The following ETV1 variants were observed in gnomAD, a reference collection of about 807,000 sequenced individuals.
The protein encoded by ETV1 is ETS translocation variant 1.
Under a neutral mutation model 62.3 loss-of-function variants are expected in ETV1, and 27 were observed. The ratio of observed to expected loss-of-function variants is 0.43; its 90% CI spans 0.32 to 0.60. The LOEUF is 0.60. Ranked by LOEUF, ETV1 falls within the 20% of genes least tolerant of loss-of-function variation. The probability of loss-of-function intolerance (pLI) is 0.06; values close to 1 mark genes in which losing one functional copy is unlikely to be tolerated. For missense variants in ETV1, 605 were observed against 605.8 expected (o/e 1.00, Z 0.01); for synonymous variants, 222 against 199.6 (o/e 1.11, Z -0.94).
In ETV1 at chr7:13,963,531, C is replaced by CA. The variant is rs11303542; in HGVS notation, c.235+13895dup. Among the ~76,000 whole-genome samples, 403 of 104,900 alleles carry CA rather than the reference C, an allele frequency of 3.8e-3. 2 individuals are homozygous for CA. The highest frequency in any genetic ancestry group is 0.014 in the East Asian group (53 of 3,902). The allele number at this position is 104,900 out of a possible 152,430, so 68.8% of individuals were successfully genotyped here. A position where few individuals can be genotyped will look rare whatever the true frequency, so the allele number is the denominator to read the frequency against. ...GAAAACATTTTAATACCAATCTTGG[C>CA]AAAAAAAAAAAAACTTCATGCACAC... is the stretch of plus-strand genomic sequence containing the variant. On this transcript the variant is annotated intron_variant, in intron 6 of 13. Coordinates refer to ENST00000430479, the MANE Select transcript of ETV1 (RefSeq NM_004956.5).
Position 13,939,089 on chromosome 7 carries a change from C to G in ETV1, c.365+28G>C, listed in dbSNP as rs1378525689. 48 of 1,601,564 alleles carry G rather than the reference C, an allele frequency of 3.0e-5. No individual in the cohort carries two copies. In the Admixed American group the frequency reaches 7.7e-4, roughly 26 times the overall value. On this transcript the variant is annotated intron_variant, in intron 7 of 13. Transcript: ENST00000430479. ...TTTTTGATTCAATAAGAACCACTAT[C>G]CTACATACATACACCTGGTGGCTTT...
chr7:13,982,757 T>C lies in ETV1; in HGVS notation c.181+3881A>G, dbSNP rs1030791531. On this transcript the variant is annotated intron_variant, in intron 5 of 13. Coordinates refer to ENST00000430479, the MANE Select transcript of ETV1 (RefSeq NM_004956.5). ...ATAATGTCGTTTTTAAAGCCTTTAA[T>C]CCTTATTGCACCAAGTGGGGGAAAA... 3.9e-5 allele frequency among the ~76,000 whole-genome samples: 6 copies of C among 152,104 alleles called. No homozygotes were observed. In the Middle Eastern group the frequency reaches 0.01, roughly 259 times the overall value.
chr7:13,951,465 G>C (rs1218314746), intron 6 of ETV1, among the ~76,000 whole-genome samples: 1 of 152,120 alleles, frequency 6.6e-6, no homozygotes, highest in African/African-American at 2.4e-5. Flanking sequence ...TAGAGTTTCC[G>C]ATAGGACTAA....
At chr7:13,936,687 T>C (rs1453225898) in intron 7 of ETV1, among the ~76,000 whole-genome samples, 1 of 152,212 alleles carries the variant, frequency 6.6e-6, no homozygotes, top group African/African-American at 2.4e-5. Flanking sequence ...TAAAATATTT[T>C]ACTAAAACTA....
At chr7:13,969,813 C>G (rs1270891506) in intron 6 of ETV1, among the ~76,000 whole-genome samples, 1 of 152,126 alleles carries the variant, frequency 6.6e-6, no homozygotes, top group African/African-American at 2.4e-5. Context: ...ACTAATAAAA[C>G]AAGAAGTTGC....
At chr7:13,974,032 G>A (rs1781162025) in intron 6 of ETV1, among the ~76,000 whole-genome samples, 1 of 152,132 alleles carries the variant, frequency 6.6e-6, no homozygotes, top group African/African-American at 2.4e-5. Flanking sequence ...CCCTCAAGAA[G>A]TTCACAATCT....
At chr7:13,954,852 A>T (rs2128475724) in intron 6 of ETV1, among the ~76,000 whole-genome samples, 1 of 152,304 alleles carries the variant, frequency 6.6e-6, no homozygotes, top group African/African-American at 2.4e-5. Flanking sequence ...AAAGCTGAAA[A>T]TATGTTCTGA....
At chr7:13,946,252 C>G (rs1479830948) in intron 6 of ETV1, among the ~76,000 whole-genome samples, 3 of 152,150 alleles carry the variant, frequency 2.0e-5, no homozygotes, top group African/African-American at 7.2e-5. Context: ...CTTTTATGAT[C>G]CACAACTCCT....
In ETV1 at chr7:13,938,886, C is replaced by T. The variant is rs1407909679; in HGVS notation, c.365+231G>A. ...TTTTCAAACCCAAGATGCATCACTA[C>T]AGTAGAAAAGCAACTAATGATCTGG... On this transcript the variant is annotated intron_variant, in intron 7 of 13. Transcript: ENST00000430479. Among the ~76,000 whole-genome samples the T allele has an allele frequency of 2.0e-5, 3 of 152,154 alleles. No individual in the cohort carries two copies. The East Asian group carries it at 5.8e-4, about 29-fold the overall frequency.
intron 6 of ETV1, among the ~76,000 whole-genome samples, chr7:13,952,540 T>C (rs1209406609): frequency 6.6e-6 from 1 of 152,116 alleles, no homozygotes; most frequent in Non-Finnish European, 1.5e-5. Context: ...GTGTAAGTAC[T>C]ATATTTAAGA....
chr7:13,967,694 A>T lies in ETV1; in HGVS notation c.235+9733T>A, dbSNP rs146890940. On this transcript the variant is annotated intron_variant, in intron 6 of 13. Transcript: ENST00000430479. ...CTTAAATACATGTTTATTATGATTTAAAAAAAGTGGAAAAATGATACCAAT... is the reference window on the plus strand; with the variant it reads ...CTTAAATACATGTTTATTATGATTTTAAAAAAGTGGAAAAATGATACCAAT... 7.0e-3 allele frequency among the ~76,000 whole-genome samples: 1,062 copies of T among 152,246 alleles called. 11 individuals are homozygous for T. Among genetic ancestry groups the T allele is most frequent in the Non-Finnish European group, 8.9e-3 (608 of 67,962 alleles).
At chr7:13,970,270 ACACACACACACACACACACAC>A (rs1780753984) in intron 6 of ETV1, among the ~76,000 whole-genome samples, 1 of 12,862 alleles carries the variant, frequency 7.8e-5, no homozygotes, top group African/African-American at 2.8e-4. Flanking sequence ...CAAAACACAC[ACACACACACACACACACACAC>A]ACACACACAC....
At chr7:13,981,302 G>A (rs1781961641) in intron 5 of ETV1, among the ~76,000 whole-genome samples, 1 of 152,040 alleles carries the variant, frequency 6.6e-6, no homozygotes, top group Non-Finnish European at 1.5e-5. Flanking sequence ...AGGCAGAACT[G>A]GAGTTCTGCC....
intron 12 of ETV1, among the ~76,000 whole-genome samples, chr7:13,903,880 C>G (rs1450255294): frequency 1.3e-5 from 2 of 151,866 alleles, no homozygotes; most frequent in African/African-American, 4.8e-5. Context: ...AAAGATTATG[C>G]GTTTTCTAAA....
intron 6 of ETV1, among the ~76,000 whole-genome samples, chr7:13,940,335 C>A (rs1189079499): frequency 6.7e-6 from 1 of 148,572 alleles, no homozygotes; most frequent in East Asian, 2.0e-4. Flanking sequence ...GCACTCCAGC[C>A]TGGGCAACAG....
At chr7:13,986,608 TC>T (rs1290615536) in intron 5 of ETV1, 29 bp downstream of exon 5, 28 of 1,610,658 alleles carry the variant, frequency 1.7e-5, no homozygotes, top group East Asian at 2.2e-5. Context: ...AGAGTTGCTT[TC>T]CCCCCTTTTA....
intron 6 of ETV1, among the ~76,000 whole-genome samples, chr7:13,950,752 C>T (rs1788706420): frequency 6.6e-6 from 1 of 152,102 alleles, no homozygotes; most frequent in African/African-American, 2.4e-5. Context: ...CAGAAGGTCA[C>T]TTTCCCCCAG....
chr7:13,896,623 C>CT, intron 13 of ETV1, among the ~76,000 whole-genome samples: 1 of 146,028 alleles, frequency 6.8e-6, no homozygotes, highest in Non-Finnish European at 1.5e-5. Context: ...GGATTCTTTA[C>CT]TTTTTTTCTT....
At chr7:13,926,528 G>A (rs755674429) in intron 9 of ETV1, among the ~76,000 whole-genome samples, 4 of 152,188 alleles carry the variant, frequency 2.6e-5, no homozygotes, top group South Asian at 2.1e-4. Context: ...TACTTTCTAC[G>A]GGAATCTCCA....
Sources: gnomAD v4.1 joint callset for allele counts (sites outside exome capture counted in the v4.1 genomes callset) on GRCh38, gnomAD v4.1.1 for gene constraint, MANE v1.5 for transcripts, NCBI Gene and HGNC (gene_info 2026-07-23, HGNC 2026-07-21) for gene names.